The following MMD variants were observed in gnomAD, a reference collection of about 807,000 sequenced individuals.
The protein encoded by MMD is monocyte to macrophage differentiation associated.
A neutral mutation model predicts 33.6 loss-of-function variants in MMD; 22 were observed. The ratio of observed to expected loss-of-function variants is 0.66; its 90% CI spans 0.47 to 0.94. MMD has a LOEUF of 0.94. Ranked by LOEUF, MMD falls within the 40% of genes least tolerant of loss-of-function variation. The pLI is 0.00. For synonymous variants in MMD, 97 were observed against 103.2 expected (o/e 0.94, Z 0.36); for missense variants, 242 against 309.8 (o/e 0.78, Z 1.64).
intron 6 of MMD, among the ~76,000 whole-genome samples, chr17:55,397,318 C>A (rs545890205): frequency 6.6e-6 from 1 of 151,866 alleles, no homozygotes; most frequent in East Asian, 2.0e-4. Flanking sequence ...CCCACCACCA[C>A]GCCCAGCTAA....
Position 55,411,359 on chromosome 17 carries a change from C to A in MMD, c.167G>T (p.Cys56Phe), listed in dbSNP as rs1219647488. Residue 56 changes from cysteine to phenylalanine, a missense_variant, in exon 3 of 7, where the codon TGC (cysteine) becomes TTC (phenylalanine). Cys to Phe is a radical substitution (Grantham distance 205). Coordinates refer to ENST00000262065, the MANE Select transcript of MMD (RefSeq NM_012329.3). ...AATCCATGCTGTTATCTTTTCCCAG[C>A]AGTCATCAGACAGCCGATGGAGGAG... ...SALLHRLSDD[C>F]WEKITAWIYG... 1.9e-6 allele frequency: 3 copies of A among 1,614,034 alleles called. No individual in the cohort carries two copies. The highest frequency in any genetic ancestry group is 2.5e-6 in the Non-Finnish European group (3 of 1,179,958).
intron 2 of MMD, 109 bp from the exon 3 acceptor site, chr17:55,411,526 T>C (rs1276821985): frequency 7.9e-6 from 10 of 1,267,616 alleles, no homozygotes; most frequent in Non-Finnish European, 1.1e-5. Flanking sequence ...AAAATAATCT[T>C]AGAGCAAGTA....
In MMD at chr17:55,397,863, C is replaced by T. The variant is rs78799307; in HGVS notation, c.517-3329G>A. ...GACCCTTTCAGCATTTTAAATGTGC[C>T]ATTACATTGTATTCCTGCTCCCATG... On this transcript the variant is annotated intron_variant, in intron 6 of 6. Coordinates refer to ENST00000262065, the MANE Select transcript of MMD (RefSeq NM_012329.3). 9.3e-4 allele frequency among the ~76,000 whole-genome samples: 141 copies of T among 152,160 alleles called. 1 individual carries two copies. The East Asian group carries it at 0.026, about 29-fold the overall frequency.
At chr17:55,408,397 G>A (rs918623904) in intron 3 of MMD, among the ~76,000 whole-genome samples, 1 of 152,098 alleles carries the variant, frequency 6.6e-6, no homozygotes, top group African/African-American at 2.4e-5. Flanking sequence ...ACAAAAAATG[G>A]CACATTTACT....
intron 1 of MMD, among the ~76,000 whole-genome samples, chr17:55,421,032 T>C (rs1908165571): frequency 6.6e-6 from 1 of 152,156 alleles, no homozygotes; most frequent in South Asian, 2.1e-4. Flanking sequence ...AACATGCCCC[T>C]TCGCAGAGCC....
intron 3 of MMD, among the ~76,000 whole-genome samples, chr17:55,408,664 AC>A (rs1372008130): frequency 6.6e-6 from 1 of 152,232 alleles, no homozygotes; most frequent in African/African-American, 2.4e-5. Context: ...CGTAACATTG[AC>A]CAAAGCAAAT....
intron 6 of MMD, among the ~76,000 whole-genome samples, chr17:55,396,042 T>C (rs1907088684): frequency 6.6e-6 from 1 of 152,056 alleles, no homozygotes; most frequent in Non-Finnish European, 1.5e-5. Flanking sequence ...CAAAATATCC[T>C]TTTTTTTCCT....
At chr17:55,410,953 T>G (rs776367226) in intron 3 of MMD, among the ~76,000 whole-genome samples, 1 of 152,208 alleles carries the variant, frequency 6.6e-6, no homozygotes, top group Non-Finnish European at 1.5e-5. Flanking sequence ...ATATCCTTAG[T>G]GTGCTTGATA....
chr17:55,398,344 C>T (rs997672352), intron 6 of MMD, among the ~76,000 whole-genome samples: 4 of 151,332 alleles, frequency 2.6e-5, no homozygotes, highest in South Asian at 2.1e-4. Flanking sequence ...TCACAGTTTT[C>T]GGATCTAGAA....
At chr17:55,399,956 C>G (rs1448372689) in intron 6 of MMD, among the ~76,000 whole-genome samples, 2 of 152,284 alleles carry the variant, frequency 1.3e-5, no homozygotes, top group East Asian at 3.9e-4. Context: ...TTAAGCTGCA[C>G]AAACCTTGCT....
chr17:55,416,815 C>G (rs1367028596), intron 1 of MMD, among the ~76,000 whole-genome samples: 1 of 152,120 alleles, frequency 6.6e-6, no homozygotes, highest in Non-Finnish European at 1.5e-5. Context: ...AATGGTTACT[C>G]AATGCTTGAG....
chr17:55,414,296 C>A lies in MMD; in HGVS notation c.27-64G>T. On this transcript the variant is annotated intron_variant, in intron 1 of 6. Coordinates refer to ENST00000262065, the MANE Select transcript of MMD (RefSeq NM_012329.3). ...AGTGTGTGAAGAACAATGAGGAAACCCACCAGTGGGTATGTGGTCTATTCT... is the reference window on the plus strand; with the variant it reads ...AGTGTGTGAAGAACAATGAGGAAACACACCAGTGGGTATGTGGTCTATTCT... 6 of 1,458,246 alleles carry A rather than the reference C, an allele frequency of 4.1e-6. No homozygotes were observed. The South Asian group carries it at 6.9e-5, about 17-fold the overall frequency. 90.3% of individuals were successfully genotyped at this position (1,458,246 alleles called of 1,614,324 possible).
At chr17:55,411,163 G>GCCCT in intron 3 of MMD, 94 bp downstream of exon 3, 2 of 1,360,492 alleles carry the variant, frequency 1.5e-6, no homozygotes, top group Non-Finnish European at 2.0e-6. Flanking sequence ...TCTACTCTTT[G>GCCCT]CCCTACTTGA....
At chr17:55,416,398 A>G (rs1483242425) in intron 1 of MMD, among the ~76,000 whole-genome samples, 6 of 152,220 alleles carry the variant, frequency 3.9e-5, no homozygotes, top group Non-Finnish European at 5.9e-5. Context: ...AAATAAAAGT[A>G]GAAAGTTATA....
At chr17:55,407,556 C>T (rs1167207990) in intron 4 of MMD, among the ~76,000 whole-genome samples, 190 bp downstream of exon 4, 1 of 152,038 alleles carries the variant, frequency 6.6e-6, no homozygotes, top group Non-Finnish European at 1.5e-5. Flanking sequence ...ATATTCTCCC[C>T]TTCAAATATG....
At position 55,411,419 on chromosome 17, in the gene MMD, T is replaced by C. The variant is rs756912715; in HGVS notation, c.109-2A>G. On this transcript the variant is annotated splice_acceptor_variant, in intron 2 of 6. Transcript: ENST00000262065. LOFTEE classifies it high-confidence loss of function. ...CACGATGGCCGGAACAATGAGGAAC[T>C]GAGGGAAAGATAAAGAATGGTGAAT... 7 of 1,608,274 alleles carry C rather than the reference T, an allele frequency of 4.4e-6. No homozygotes were observed. Among genetic ancestry groups the C allele is most frequent in the Non-Finnish European group, 5.9e-6 (7 of 1,178,362 alleles).
intron 1 of MMD, among the ~76,000 whole-genome samples, chr17:55,416,794 G>A (rs1298942044): frequency 2.6e-5 from 4 of 152,174 alleles, no homozygotes; most frequent in Non-Finnish European, 5.9e-5. Context: ...TATTTAAAGC[G>A]GAGTGGCCCT....
intron 1 of MMD, among the ~76,000 whole-genome samples, chr17:55,417,763 C>T (rs1345218244): frequency 2.0e-5 from 3 of 152,170 alleles, no homozygotes; most frequent in Non-Finnish European, 2.9e-5. Context: ...GGCACCACTG[C>T]ACTCCAGTCT....
chr17:55,419,452 C>A (rs1240250940), intron 1 of MMD, among the ~76,000 whole-genome samples: 1 of 152,212 alleles, frequency 6.6e-6, no homozygotes, highest in Non-Finnish European at 1.5e-5. Context: ...TCCTCATGCT[C>A]CTCCATCCAG....
Sources: allele counts gnomAD v4.1 joint callset (sites outside exome capture counted in the v4.1 genomes callset), GRCh38; gene constraint gnomAD v4.1.1; transcripts MANE v1.5; gene names NCBI Gene and HGNC (gene_info 2026-07-23, HGNC 2026-07-21).